The following REXO1 variants were observed in gnomAD, a reference collection of about 807,000 sequenced individuals.
REXO1 encodes RNA exonuclease 1 homolog, also known as REX1, RNA exonuclease 1 homolog.
REXO1 carries 42 observed loss-of-function variants against 102.6 expected under a neutral mutation model. That is an observed-to-expected ratio of 0.41 (90% CI 0.32 to 0.53). REXO1 has a LOEUF of 0.53. Ranked by LOEUF, REXO1 falls within the 20% of genes least tolerant of loss-of-function variation. The probability of loss-of-function intolerance (pLI) is 0.27; values close to 1 mark genes in which losing one functional copy is unlikely to be tolerated. For synonymous variants in REXO1, 908 were observed against 779.1 expected, an observed-to-expected ratio of 1.17 and a Z score of -2.76; for missense variants, 1,819 against 1,732.5, an observed-to-expected ratio of 1.05 and a Z score of -0.89.
chr19:1,823,425 C>G, intron 4 of REXO1, 147 bp downstream of exon 4: 1 of 472,428 alleles, frequency 2.1e-6, no homozygotes. Flanking sequence ...CACAGACAGG[C>G]AGGCTGAGGG....
In REXO1 at chr19:1,827,465, G is replaced by A. The variant is rs763671574; in HGVS notation, c.1324C>T (p.Pro442Ser). The part of the protein sequence containing the change: ...GTKKKPSSAT[P>S]VATSGKGRPD... Reference sequence around the variant, plus strand: ...CTCCCTTTCCCTGAGGTGGCCACAGGAGTGGCCGAAGATGGCTTCTTCTTG... The same window carrying A: ...CTCCCTTTCCCTGAGGTGGCCACAGAAGTGGCCGAAGATGGCTTCTTCTTG... The change falls in exon 2 of 16, where the codon CCT becomes TCT. Residue 442 changes from proline to serine, a missense_variant. Pro to Ser is a moderately conservative substitution (Grantham distance 74). Transcript: ENST00000170168. 11 of 1,571,388 alleles carry A rather than the reference G, an allele frequency of 7.0e-6. No homozygotes were observed. In the South Asian group the frequency reaches 1.3e-4, roughly 18 times the overall value.
intron 3 of REXO1, 53 bp downstream of exon 3, chr19:1,825,786 T>C (rs1414043182): frequency 8.8e-7 from 1 of 1,133,978 alleles, no homozygotes; most frequent in Admixed American, 2.2e-5. Context: ...AACCTCGTCT[T>C]TAAAAAAAAA....
chr19:1,839,256 A>AAAG (rs1491434900), intron 1 of REXO1, among the ~76,000 whole-genome samples: 1 of 66,532 alleles, frequency 1.5e-5, no homozygotes, highest in African/African-American at 1.2e-4. Context: ...CTCTATCTCC[A>AAAG]AAAAAAAAAA....
At position 1,819,086 on chromosome 19, in the gene REXO1, C is replaced by T. The variant is rs746008140; in HGVS notation, c.2696G>A (p.Gly899Asp). Residue 899 changes from glycine (G) to aspartate (D), a missense_variant, in exon 8 of 16, where the codon GGC becomes GAC. Coordinates refer to ENST00000170168, the MANE Select transcript of REXO1 (RefSeq NM_020695.4). The stretch of plus-strand genomic sequence containing the variant: ...GAAGCTGGTCTTGGCGGCCAACCTG[C>T]CCCCCAACACCACCTCGTGGGACAC... ...RVVSHEVVLG[G>D]RLAAKTSFSL... The T allele has an allele frequency of 1.9e-6, 3 of 1,597,550 alleles. No homozygotes were observed. Among genetic ancestry groups the T allele is most frequent in the Non-Finnish European group, 2.6e-6 (3 of 1,171,434 alleles).
Position 1,827,014 on chromosome 19 carries a change from C to A in REXO1, c.1775G>T (p.Ser592Ile), listed in dbSNP as rs1048594746. The stretch of plus-strand genomic sequence containing the variant: ...CGAGTAGTCCACATCCGCCCCCGCG[C>A]TGGAGGTGGAGGAGGAGGAGGAGGA... ...SSSSSSSSTS[S>I]AGADVDYSAL... Residue 592 changes from serine to isoleucine, a missense_variant, in exon 2 of 16, where the codon AGC (serine) becomes ATC (isoleucine). Transcript: ENST00000170168. 1 of 1,436,762 alleles carries A rather than the reference C, an allele frequency of 7.0e-7. No individual in the cohort carries two copies. Among genetic ancestry groups the A allele is most frequent in the Non-Finnish European group, 9.3e-7 (1 of 1,078,692 alleles). The allele number at this position is 1,436,762 out of a possible 1,614,324, so 89.0% of individuals were successfully genotyped here.
At chr19:1,834,924 TG>T in intron 1 of REXO1, 1 of 408,442 alleles carries the variant, frequency 2.4e-6, no homozygotes, top group South Asian at 1.7e-5. Flanking sequence ...CTGTGGTCAC[TG>T]GGCTCCCCCA....
intron 7 of REXO1, among the ~76,000 whole-genome samples, 192 bp from the exon 8 acceptor site, chr19:1,819,323 C>G (rs909451821): frequency 1.3e-5 from 2 of 152,074 alleles, no homozygotes; most frequent in African/African-American, 4.8e-5. Context: ...GCCAGGGACG[C>G]AGGGCAGCCG....
intron 1 of REXO1, among the ~76,000 whole-genome samples, chr19:1,843,362 G>A (rs1040165922): frequency 6.6e-5 from 10 of 152,172 alleles, no homozygotes; most frequent in African/African-American, 2.4e-4. Flanking sequence ...AGCCGCAGCT[G>A]GACTCGCAGG....
chr19:1,846,070 C>T (rs2011523884), intron 1 of REXO1, among the ~76,000 whole-genome samples: 1 of 152,214 alleles, frequency 6.6e-6, no homozygotes. Context: ...TTCACCTGAA[C>T]CTCTGTCCAC....
intron 4 of REXO1, chr19:1,822,787 G>T (rs1207784535): frequency 1.3e-5 from 2 of 152,318 alleles, no homozygotes; most frequent in African/African-American, 4.8e-5. Flanking sequence ...ATCTGCAGGG[G>T]AATCGCCGGG....
Position 1,816,278 on chromosome 19 carries a change from C to T in REXO1, c.3524G>A (p.Arg1175Gln), listed in dbSNP as rs201262230. ...FPHRLGLPYK[R>Q]SLRNLMADYL... ...GTCGGCCATGAGGTTCCGCAGGGAC[C>T]GCTTGTAGGGGAGGCCCAGGCGGTG... Residue 1175 changes from arginine (R) to glutamine (Q), a missense_variant, in exon 15 of 16, where the codon CGG becomes CAG. Arg to Gln is a conservative substitution (Grantham distance 43, BLOSUM62 1). Transcript: ENST00000170168. 225 of 1,588,302 alleles carry T rather than the reference C, an allele frequency of 1.4e-4. No individual in the cohort carries two copies. The highest frequency in any genetic ancestry group is 1.8e-4 in the Non-Finnish European group (206 of 1,167,708).
At chr19:1,843,320 C>A (rs990813714) in intron 1 of REXO1, among the ~76,000 whole-genome samples, 6 of 151,314 alleles carry the variant, frequency 4.0e-5, no homozygotes, top group South Asian at 2.1e-4. Flanking sequence ...TTCAACCCCC[C>A]GCCCGGAGGG....
chr19:1,847,671 G>A (rs1169991877), intron 1 of REXO1, among the ~76,000 whole-genome samples: 1 of 152,220 alleles, frequency 6.6e-6, no homozygotes, highest in African/African-American at 2.4e-5. Flanking sequence ...CTCCCTGCCA[G>A]TCATGCTGGA....
intron 1 of REXO1, chr19:1,830,721 C>T: frequency 4.2e-6 from 1 of 238,828 alleles, no homozygotes; most frequent in Non-Finnish European, 8.9e-6. Flanking sequence ...ACTGAGGGGG[C>T]CATGGACAGG....
chr19:1,841,582 C>T (rs951400239), intron 1 of REXO1, among the ~76,000 whole-genome samples: 7 of 152,214 alleles, frequency 4.6e-5, no homozygotes, highest in Non-Finnish European at 1.0e-4. Context: ...TCCTAGCGAG[C>T]TCTGCCCCAC....
chr19:1,823,930 T>C (rs910348409), intron 3 of REXO1, 145 bp from the exon 4 acceptor site: 2 of 399,224 alleles, frequency 5.0e-6, no homozygotes, highest in Non-Finnish European at 4.4e-6. Context: ...CTGGGCACAC[T>C]GGGGGGAAGC....
chr19:1,840,051 C>T (rs914835632), intron 1 of REXO1, among the ~76,000 whole-genome samples: 10 of 152,156 alleles, frequency 6.6e-5, no homozygotes, highest in Non-Finnish European at 1.3e-4. Flanking sequence ...GACCCGTGAC[C>T]GTTAACAGGG....
chr19:1,848,351 C>T lies in REXO1; in HGVS notation c.8G>A (p.Arg3His). Residue 3 changes from arginine to histidine, a missense_variant, in exon 1 of 16, where the codon CGC becomes CAC. By Grantham distance (29) the Arg-to-His change is conservative (BLOSUM62 0). Transcript: ENST00000170168. The stretch of plus-strand genomic sequence containing the variant: ...AATGGCCCGGAAGAAGCCAGTGGAG[C>T]GTAGCATGGTCCGTCCCGCGGCGGG... The part of the protein sequence containing the change: ML[R>H]STGFFRAIDC... The T allele has an allele frequency of 8.2e-7, 1 of 1,220,272 alleles. No individual in the cohort carries two copies. Among genetic ancestry groups the T allele is most frequent in the Non-Finnish European group, 1.0e-6 (1 of 973,592 alleles). The allele number at this position is 1,220,272 out of a possible 1,614,324, so 75.6% of individuals were successfully genotyped here. A position where few individuals can be genotyped will look rare whatever the true frequency, so the allele number is the denominator to read the frequency against.
chr19:1,836,354 T>C (rs1568712190), intron 1 of REXO1, among the ~76,000 whole-genome samples: 1 of 152,114 alleles, frequency 6.6e-6, no homozygotes, highest in Non-Finnish European at 1.5e-5. Flanking sequence ...ATTTCAAAGA[T>C]GAGGACACCC....
Sources: allele counts gnomAD v4.1 joint callset (sites outside exome capture counted in the v4.1 genomes callset), GRCh38; gene constraint gnomAD v4.1.1; transcripts MANE v1.5; gene names NCBI Gene and HGNC (gene_info 2026-07-23, HGNC 2026-07-21).